Variants in RAB11FIP2 observed in about 807,000 individuals in gnomAD.
The protein encoded by RAB11FIP2 is RAB11 family interacting protein 2.
In RAB11FIP2, 16 loss-of-function variants were observed where a neutral mutation model predicts 40.9. The ratio of observed to expected loss-of-function variants is 0.39; its 90% CI spans 0.26 to 0.59. The LOEUF is 0.59. RAB11FIP2 is among the 20% of genes least tolerant of loss of function. RAB11FIP2 has a pLI of 0.53. For missense variants in RAB11FIP2, 532 were observed against 606.2 expected (o/e 0.88, Z 1.28); for synonymous variants, 228 against 213.7 (o/e 1.07, Z -0.58).
intron 3 of RAB11FIP2, among the ~76,000 whole-genome samples, chr10:118,016,279 T>G (rs1846218903): frequency 6.6e-6 from 1 of 152,164 alleles, no homozygotes; most frequent in Non-Finnish European, 1.5e-5. Context: ...CAGAGCTGGG[T>G]TGCATGTAGA....
chr10:118,039,487 C>T, intron 2 of RAB11FIP2, 47 bp from the exon 3 acceptor site: 1 of 1,477,368 alleles, frequency 6.8e-7, no homozygotes, highest in South Asian at 1.2e-5. Context: ...CACATTACAT[C>T]ACACTATTTG....
In RAB11FIP2 at chr10:118,046,303, CTGA is replaced by C. The variant is rs1293011345; in HGVS notation, c.-143_-141del. On this transcript the variant is annotated 5_prime_UTR_variant, in exon 1 of 5. Coordinates refer to ENST00000355624, the MANE Select transcript of RAB11FIP2 (RefSeq NM_014904.3). The stretch of plus-strand genomic sequence containing the variant: ...TCAGGGCTCCCCGACTTCCCTATGG[CTGA>C]TGTCAAAACGCCTCGCGGGGGCAGC... 71 of 759,572 alleles carry C rather than the reference CTGA, an allele frequency of 9.3e-5. No homozygotes were observed. The highest frequency in any genetic ancestry group is 1.5e-4 in the Non-Finnish European group (70 of 467,486). 47.1% of individuals were successfully genotyped at this position (759,572 alleles called of 1,614,324 possible). A position where few individuals can be genotyped will look rare whatever the true frequency, so the allele number is the denominator to read the frequency against.
intron 2 of RAB11FIP2, chr10:118,039,682 A>C: frequency 2.2e-6 from 1 of 455,036 alleles, no homozygotes; most frequent in Non-Finnish European, 3.9e-6. Context: ...CAATCATATA[A>C]ACTATGATGT....
Position 118,046,435 on chromosome 10 carries a change from T to C in RAB11FIP2, c.-272A>G, listed in dbSNP as rs1051568505. On this transcript the variant is annotated 5_prime_UTR_variant, in exon 1 of 5. Coordinates refer to ENST00000355624, the MANE Select transcript of RAB11FIP2 (RefSeq NM_014904.3). ...AGGCCTCTGCGCGGACCCCCGCCCC[T>C]GTCTCCACCTTCCCCAGGCCTGCGG... 5 of 398,194 alleles carry C rather than the reference T, an allele frequency of 1.3e-5. No individual in the cohort carries two copies. Among genetic ancestry groups the C allele is most frequent in the East Asian group, 8.3e-5 (2 of 24,054 alleles). 24.7% of individuals were successfully genotyped at this position (398,194 alleles called of 1,614,324 possible).
At position 118,046,169 on chromosome 10, in the gene RAB11FIP2, C is replaced by A; in HGVS notation, c.-6G>T. The A allele has an allele frequency of 6.2e-7, 1 of 1,610,118 alleles. No homozygotes were observed. The highest frequency in any genetic ancestry group is 8.5e-7 in the Non-Finnish European group (1 of 1,177,412). ...GCTTGCTCGGACAGCATCATCCTGT[C>A]CTGTTTCTCTGCCCCCGAGTTCCCT... On this transcript the variant is annotated 5_prime_UTR_variant, in exon 1 of 5. Transcript: ENST00000355624.
chr10:118,005,128 A>G lies in RAB11FIP2; in HGVS notation c.*3870T>C, dbSNP rs1037851850. The G allele has an allele frequency of 6.6e-6, 1 of 152,642 alleles. No individual in the cohort carries two copies. The highest frequency in any genetic ancestry group is 1.5e-5 in the Non-Finnish European group (1 of 68,038). The allele number at this position is 152,642 out of a possible 1,614,324, so 9.5% of individuals were successfully genotyped here. ...CTCTTCAGTTATAAATAATGCTTCT[A>G]TCTTTCAAATACCCGCTAAATATAT... On this transcript the variant is annotated 3_prime_UTR_variant, in exon 5 of 5. Coordinates refer to ENST00000355624, the MANE Select transcript of RAB11FIP2 (RefSeq NM_014904.3).
intron 3 of RAB11FIP2, among the ~76,000 whole-genome samples, chr10:118,037,072 T>G (rs912721090): frequency 6.6e-6 from 1 of 152,106 alleles, no homozygotes; most frequent in Non-Finnish European, 1.5e-5. Context: ...CCAAGTTACC[T>G]CAGACAGTTG....
intron 1 of RAB11FIP2, chr10:118,043,586 A>G (rs1448350745): frequency 1.3e-5 from 2 of 152,200 alleles, no homozygotes; most frequent in Non-Finnish European, 2.9e-5. Context: ...AAGTAAAGTA[A>G]TAATTTTAGT....
intron 3 of RAB11FIP2, among the ~76,000 whole-genome samples, chr10:118,030,631 T>A (rs1846401360): frequency 6.6e-6 from 1 of 152,096 alleles, no homozygotes; most frequent in African/African-American, 2.4e-5. Flanking sequence ...CCTACACTAG[T>A]TTTTGTGAAT....
At chr10:118,044,469 C>A (rs1846601142) in intron 1 of RAB11FIP2, among the ~76,000 whole-genome samples, 1 of 152,066 alleles carries the variant, frequency 6.6e-6, no homozygotes. Flanking sequence ...AAACTGAATG[C>A]CACTCTTTAG....
intron 3 of RAB11FIP2, chr10:118,033,946 C>T (rs2133177903): frequency 1.4e-6 from 1 of 701,438 alleles, no homozygotes; most frequent in South Asian, 1.5e-5. Context: ...GTGGGCCTTC[C>T]ACTTGCATGC....
chr10:118,018,920 T>C (rs1057159880), intron 3 of RAB11FIP2, among the ~76,000 whole-genome samples: 2 of 152,104 alleles, frequency 1.3e-5, no homozygotes, highest in Non-Finnish European at 2.9e-5. Context: ...TTTTTTGTTT[T>C]TGTTTGTTTC....
chr10:118,032,541 C>G (rs1005662970), intron 3 of RAB11FIP2, among the ~76,000 whole-genome samples: 1 of 152,024 alleles, frequency 6.6e-6, no homozygotes, highest in African/African-American at 2.4e-5. Context: ...GCTAATATGA[C>G]TAAGTTGTCT....
chr10:118,034,105 T>A (rs1846450852), intron 3 of RAB11FIP2: 2 of 696,630 alleles, frequency 2.9e-6, no homozygotes, highest in Admixed American at 4.0e-5. Context: ...TCACAACTAC[T>A]CAACGCTACC....
chr10:118,021,176 A>G (rs1846279985), intron 3 of RAB11FIP2, among the ~76,000 whole-genome samples: 2 of 152,204 alleles, frequency 1.3e-5, no homozygotes, highest in African/African-American at 2.4e-5. Flanking sequence ...TTTTCCATTT[A>G]GGATTGCATT....
intron 3 of RAB11FIP2, among the ~76,000 whole-genome samples, chr10:118,029,280 A>C (rs1846384340): frequency 6.6e-6 from 1 of 151,776 alleles, no homozygotes; most frequent in South Asian, 2.1e-4. Flanking sequence ...AATATTTCTC[A>C]AAGATGTTCC....
chr10:118,041,211 C>T (rs1222919063), intron 1 of RAB11FIP2, among the ~76,000 whole-genome samples: 1 of 149,560 alleles, frequency 6.7e-6, no homozygotes, highest in Non-Finnish European at 1.5e-5. Context: ...AAGTAAAATG[C>T]AAGAAGTGAC....
chr10:118,016,884 AG>A (rs757383236), intron 3 of RAB11FIP2, among the ~76,000 whole-genome samples: 3 of 152,222 alleles, frequency 2.0e-5, no homozygotes, highest in Non-Finnish European at 2.9e-5. Flanking sequence ...AGATTCAATG[AG>A]TTAACTACAT....
intron 1 of RAB11FIP2, among the ~76,000 whole-genome samples, chr10:118,042,531 C>T (rs1846573855): frequency 6.6e-6 from 1 of 152,150 alleles, no homozygotes; most frequent in Admixed American, 6.5e-5. Flanking sequence ...ACATGGCTGG[C>T]ACATACTGCA....
Sources: gnomAD v4.1 joint callset for allele counts (sites outside exome capture counted in the v4.1 genomes callset) on GRCh38, gnomAD v4.1.1 for gene constraint, MANE v1.5 for transcripts, NCBI Gene and HGNC (gene_info 2026-07-23, HGNC 2026-07-21) for gene names.